Variants in KIF13A observed in about 807,000 individuals in gnomAD.
KIF13A encodes kinesin family member 13A, also known as kinesin-like protein KIF13A.
KIF13A carries 79 observed loss-of-function variants against 212.2 expected under a neutral mutation model. That is an observed-to-expected ratio of 0.37 (90% confidence interval 0.31 to 0.45). KIF13A has a LOEUF of 0.45. KIF13A is among the 20% of genes least tolerant of loss of function. The probability of loss-of-function intolerance (pLI) is 1.00; values close to 1 mark genes in which losing one functional copy is unlikely to be tolerated. For missense variants in KIF13A, 1,901 were observed against 2,209.0 expected, an observed-to-expected ratio of 0.86 and a Z score of 2.79; for synonymous variants, 789 against 808.6, an observed-to-expected ratio of 0.98 and a Z score of 0.41.
At chr6:17,905,131 A>T (rs2206143) in intron 2 of KIF13A, among the ~76,000 whole-genome samples, 112,729 of 152,022 alleles carry the variant, frequency 0.74, 42,215 homozygotes, top group South Asian at 0.84. Flanking sequence ...TGTGATTTTT[A>T]AAAAAAATTT....
At position 17,883,950 on chromosome 6, in the gene KIF13A, CA is replaced by C. The variant is rs1357291936; in HGVS notation, c.160-10514del. 6.6e-6 allele frequency among the ~76,000 whole-genome samples: 1 copy of C among 151,578 alleles called. No individual in the cohort carries two copies. The highest frequency in any genetic ancestry group is 1.5e-5 in the Non-Finnish European group (1 of 67,870). On this transcript the variant is annotated intron_variant, in intron 3 of 38. Transcript: ENST00000259711. The surrounding 1 kb of genome is among the most constrained non-coding windows in gnomAD (Gnocchi z 4.8). ...TGCTAAAAGGAAATAATAATATTAA[CA>C]AAAAAAGAGAAGGAAATCATAATAA...
intron 3 of KIF13A, among the ~76,000 whole-genome samples, chr6:17,875,696 C>T (rs1367774378): frequency 1.3e-5 from 2 of 152,064 alleles, no homozygotes; most frequent in Non-Finnish European, 2.9e-5. Flanking sequence ...CTCAAATGAT[C>T]TGCCTGCCTC....
chr6:17,973,799 G>A (rs1353282050), intron 2 of KIF13A, among the ~76,000 whole-genome samples: 1 of 152,154 alleles, frequency 6.6e-6, no homozygotes, highest in African/African-American at 2.4e-5. Context: ...AGCCCAGATC[G>A]GAGCCTCTGC....
chr6:17,969,239 A>C (rs532435982), intron 2 of KIF13A, among the ~76,000 whole-genome samples: 2 of 152,348 alleles, frequency 1.3e-5, no homozygotes, highest in South Asian at 4.1e-4. Context: ...ACGGACATTG[A>C]ACTGGTCACT....
At chr6:17,890,619 T>C (rs1452969537) in intron 3 of KIF13A, among the ~76,000 whole-genome samples, 1 of 149,888 alleles carries the variant, frequency 6.7e-6, no homozygotes, top group Non-Finnish European at 1.5e-5. Flanking sequence ...ACTTTCCCCC[T>C]TCTCCTTCTT....
intron 2 of KIF13A, among the ~76,000 whole-genome samples, chr6:17,949,603 G>A (rs992585404): frequency 1.3e-5 from 2 of 152,036 alleles, no homozygotes; most frequent in Admixed American, 1.3e-4. Context: ...AAATACACCT[G>A]TCACCAGTTC....
intron 2 of KIF13A, among the ~76,000 whole-genome samples, chr6:17,954,265 C>T (rs1408616788): frequency 1.4e-5 from 2 of 147,048 alleles, no homozygotes; most frequent in East Asian, 2.0e-4. Flanking sequence ...GGTGGCACCA[C>T]TGCACTCCAG....
chr6:17,896,910 A>AT (rs1772619084), intron 3 of KIF13A, among the ~76,000 whole-genome samples: 1 of 152,208 alleles, frequency 6.6e-6, no homozygotes, highest in African/African-American at 2.4e-5. Context: ...ACAGCAAGGG[A>AT]TGTAAAAGCT....
chr6:17,798,796 A>C (rs1762250146), intron 22 of KIF13A, among the ~76,000 whole-genome samples: 1 of 152,348 alleles, frequency 6.6e-6, no homozygotes, highest in South Asian at 2.1e-4. Flanking sequence ...ACTCTATATG[A>C]AACATATCAC....
rs111408197 is a variant in KIF13A, at chr6:17,947,789, C to T, written c.146+39265G>A. Among the ~76,000 whole-genome samples, 5,094 of 151,848 alleles carry T rather than the reference C, an allele frequency of 0.034. 296 individuals carry two copies. The highest frequency in any genetic ancestry group is 0.12 in the African/African-American group (4,827 of 41,378). On this transcript the variant is annotated intron_variant, in intron 2 of 38. Transcript: ENST00000259711. The surrounding 1 kb of genome is among the most constrained non-coding windows in gnomAD (Gnocchi z 4.6). ...CTAAGAAGTGGAGGTTGCAGTGAGCCGAGATTGCGCCATTGCGCTCCAGCC... is the reference window on the plus strand; with the variant it reads ...CTAAGAAGTGGAGGTTGCAGTGAGCTGAGATTGCGCCATTGCGCTCCAGCC...
At chr6:17,979,622 G>A (rs73373199) in intron 2 of KIF13A, among the ~76,000 whole-genome samples, 24,467 of 152,010 alleles carry the variant, frequency 0.16, 2,642 homozygotes, top group African/African-American at 0.3. Flanking sequence ...ATATCTGAGA[G>A]ATGTCCTTAA....
chr6:17,977,394 G>A (rs1780663824), intron 2 of KIF13A, among the ~76,000 whole-genome samples: 1 of 148,916 alleles, frequency 6.7e-6, no homozygotes, highest in Non-Finnish European at 1.5e-5. Flanking sequence ...TGGCAATCAT[G>A]AGAAGAAATG....
At chr6:17,813,201 C>G (rs1379739705) in intron 17 of KIF13A, among the ~76,000 whole-genome samples, 1 of 152,158 alleles carries the variant, frequency 6.6e-6, no homozygotes, top group East Asian at 1.9e-4. Flanking sequence ...AACATAACAT[C>G]TGGTGCAGTG....
At chr6:17,793,884 A>G (rs571628020) in intron 25 of KIF13A, among the ~76,000 whole-genome samples, 3 of 152,262 alleles carry the variant, frequency 2.0e-5, no homozygotes, top group South Asian at 4.1e-4. Flanking sequence ...ACTGTACTCC[A>G]ACCTGGCAAC....
In KIF13A at chr6:17,828,268, C is replaced by T. The variant is rs1486450824; in HGVS notation, c.1504G>A (p.Val502Ile). 23 of 1,609,886 alleles carry T rather than the reference C, an allele frequency of 1.4e-5. No individual in the cohort carries two copies. Among genetic ancestry groups the T allele is most frequent in the Middle Eastern group, 1.6e-4 (1 of 6,082 alleles). Reference sequence around the variant, plus strand: ...GCATTTTCTTTTGGAGTGAGAGTGACGTCTCCATCAGATGCAATGTCAATC... The same window carrying T: ...GCATTTTCTTTTGGAGTGAGAGTGATGTCTCCATCAGATGCAATGTCAATC... Reference protein sequence around the residue: ...CEIDIASDGDVTLTPKENARS... With the variant: ...CEIDIASDGDITLTPKENARS... The change falls in exon 14 of 39, where the codon GTC becomes ATC. Residue 502 changes from valine (V) to isoleucine (I), a missense_variant. Val to Ile is a conservative substitution (Grantham distance 29). This residue lies in a region of KIF13A where 506 missense variants were observed against 637.4 expected (regional missense o/e 0.79). Coordinates refer to ENST00000259711, the MANE Select transcript of KIF13A (RefSeq NM_022113.6). This position sits in a 1 kb window ranked among gnomAD's most constrained non-coding sequence, Gnocchi z 4.3.
Position 17,826,819 on chromosome 6 carries a change from A to C in KIF13A, c.1533-695T>G, listed in dbSNP as rs986592018. On this transcript the variant is annotated intron_variant, in intron 14 of 38. Transcript: ENST00000259711. The surrounding 1 kb of genome is among the most constrained non-coding windows in gnomAD (Gnocchi z 4.7). ...TTATTTTAGGTATGATGATATTGAA[A>C]CTATATTTAAGAATCTTCATCTTTT... Among the ~76,000 whole-genome samples, 1 of 139,064 alleles carries C rather than the reference A, an allele frequency of 7.2e-6. No individual in the cohort carries two copies. Among genetic ancestry groups the C allele is most frequent in the African/African-American group, 2.6e-5 (1 of 38,548 alleles). 91.2% of individuals were successfully genotyped at this position (139,064 alleles called of 152,430 possible).
At position 17,799,321 on chromosome 6, in the gene KIF13A, A is replaced by C; in HGVS notation, c.2735T>G (p.Val912Gly). The change falls in exon 22 of 39, where the codon GTG becomes GGG. Residue 912 changes from valine to glycine, a missense_variant. Transcript: ENST00000259711. The surrounding 1 kb of genome is among the most constrained non-coding windows in gnomAD (Gnocchi z 4.4). The stretch of plus-strand genomic sequence containing the variant: ...GGCATCCTTGGACTGTGGTGAAGGC[A>C]CCTCGGGGTCCACCACCGGGGCAGC... ...TVAAPVVDPE[V>G]PSPQSKDAQY... is the part of the protein sequence containing the mutation. 6.2e-7 allele frequency: 1 copy of C among 1,613,558 alleles called. No individual in the cohort carries two copies. The highest frequency in any genetic ancestry group is 8.5e-7 in the Non-Finnish European group (1 of 1,179,700).
At position 17,813,945 on chromosome 6, in the gene KIF13A, CTGCT is replaced by C. The variant is rs1410867531; in HGVS notation, c.2000+3071_2000+3074del. On this transcript the variant is annotated intron_variant, in intron 17 of 38. Coordinates refer to ENST00000259711, the MANE Select transcript of KIF13A (RefSeq NM_022113.6). The stretch of plus-strand genomic sequence containing the variant: ...ATAAATGGTCTATAGATGTAAGGTG[CTGCT>C]TTTTTTTTTTTTTTTTTTTTTGAGA... Among the ~76,000 whole-genome samples, 888 of 130,902 alleles carry C rather than the reference CTGCT, an allele frequency of 6.8e-3. 6 individuals are homozygous for C. The highest frequency in any genetic ancestry group is 0.023 in the African/African-American group (825 of 35,524). 85.9% of individuals were successfully genotyped at this position (130,902 alleles called of 152,430 possible).
rs769695262 is a variant in KIF13A at position 17,946,885 on chromosome 6, C to T, written c.146+40169G>A. Among the ~76,000 whole-genome samples the T allele has an allele frequency of 1.2e-4, 18 of 152,194 alleles. 1 individual carries two copies. The highest frequency in any genetic ancestry group is 2.5e-4 in the Non-Finnish European group (17 of 68,046). On this transcript the variant is annotated intron_variant, in intron 2 of 38. Transcript: ENST00000259711. Reference sequence around the variant, plus strand: ...CAAAAGTGAATTCAGCTACGTGCATCAACACGGACAAATGAATCTCAAGAA... The same window carrying T: ...CAAAAGTGAATTCAGCTACGTGCATTAACACGGACAAATGAATCTCAAGAA...
Sources: allele counts gnomAD v4.1 joint callset (sites outside exome capture counted in the v4.1 genomes callset), GRCh38; gene constraint gnomAD v4.1.1; regional missense constraint gnomAD v4.1.1; non-coding constraint Gnocchi (gnomAD v3.1); transcripts MANE v1.5; gene names NCBI Gene and HGNC (gene_info 2026-07-23, HGNC 2026-07-21).